The following CNBD1 variants were observed in gnomAD, a reference collection of about 807,000 sequenced individuals.
CNBD1 encodes the protein cyclic nucleotide binding domain containing 1, also known as cyclic nucleotide-binding domain-containing protein 1.
CNBD1 carries 71 observed loss-of-function variants against 54.4 expected under a neutral mutation model. The observed-to-expected ratio is 1.30, with a 90% CI of 1.08 to 1.59. The LOEUF (loss-of-function observed/expected upper bound fraction) is 1.59. CNBD1 is among the 40% of genes most tolerant of loss of function. The pLI is 0.00. For missense variants in CNBD1, 659 were observed against 518.0 expected (o/e 1.27, Z -2.64); for synonymous variants, 182 against 170.7 (o/e 1.07, Z -0.51).
intron 3 of CNBD1, among the ~76,000 whole-genome samples, chr8:86,924,593 A>G (rs1172403546): frequency 1.3e-5 from 2 of 152,180 alleles, no homozygotes; most frequent in Non-Finnish European, 2.9e-5. Context: ...CAGTGAAGAC[A>G]ATGAATATTT....
chr8:87,323,601 T>C lies in CNBD1; in HGVS notation c.1043-28084T>C, dbSNP rs1442840342. ...AGTTCACTCATGATTTGGCTCTCTGTTTGTCTGTTGCTGGTGTATAAGAAT... is the reference window on the plus strand; with the variant it reads ...AGTTCACTCATGATTTGGCTCTCTGCTTGTCTGTTGCTGGTGTATAAGAAT... On this transcript the variant is annotated intron_variant, in intron 8 of 10. Transcript: ENST00000518476. Among the ~76,000 whole-genome samples, 4 of 127,556 alleles carry C rather than the reference T, an allele frequency of 3.1e-5. 1 individual carries two copies. The highest frequency in any genetic ancestry group is 3.1e-4 in the Admixed American group (4 of 12,990). The allele number at this position is 127,556 out of a possible 152,430, so 83.7% of individuals were successfully genotyped here. A position where few individuals can be genotyped will look rare whatever the true frequency, so the allele number is the denominator to read the frequency against.
intron 2 of CNBD1, among the ~76,000 whole-genome samples, chr8:87,403,976 T>C (rs1188520664): frequency 6.6e-6 from 1 of 152,082 alleles, no homozygotes; most frequent in Non-Finnish European, 1.5e-5. Flanking sequence ...TGGTAAGATG[T>C]TTCTTTTAGT....
chr8:87,059,567 C>A (rs1810499388), intron 4 of CNBD1, among the ~76,000 whole-genome samples: 1 of 152,200 alleles, frequency 6.6e-6, no homozygotes, highest in South Asian at 2.1e-4. Context: ...ACACATCCTT[C>A]TTCACATGGT....
chr8:86,957,451 G>T (rs200963305), intron 4 of CNBD1, among the ~76,000 whole-genome samples: 1 of 152,054 alleles, frequency 6.6e-6, no homozygotes, highest in Non-Finnish European at 1.5e-5. Flanking sequence ...TGTGAATCCA[G>T]CTGGTCCTGG....
chr8:86,987,086 G>A (rs1808625863), intron 4 of CNBD1, among the ~76,000 whole-genome samples: 1 of 152,098 alleles, frequency 6.6e-6, no homozygotes, highest in Non-Finnish European at 1.5e-5. Context: ...CATTGAATCT[G>A]TAAATTATTT....
intron 2 of CNBD1, among the ~76,000 whole-genome samples, chr8:87,423,384 C>A (rs1807980753): frequency 1.3e-5 from 2 of 150,652 alleles, no homozygotes; most frequent in Non-Finnish European, 2.9e-5. Context: ...CCAGTTTTTG[C>A]CCATTCAGTA....
intron 2 of CNBD1, among the ~76,000 whole-genome samples, chr8:86,889,581 TA>T (rs1808734700): frequency 6.6e-6 from 1 of 152,132 alleles, no homozygotes; most frequent in African/African-American, 2.4e-5. Flanking sequence ...GTTTTGATTC[TA>T]AAAAGTTTCT....
chr8:87,249,375 T>C (rs1807867879), intron 6 of CNBD1, among the ~76,000 whole-genome samples: 2 of 152,120 alleles, frequency 1.3e-5, no homozygotes, highest in Non-Finnish European at 2.9e-5. Context: ...TTGTGCTGTG[T>C]GGCCTGATTC....
At chr8:87,425,217 T>G (rs1416755742) in intron 2 of CNBD1, among the ~76,000 whole-genome samples, 2 of 152,144 alleles carry the variant, frequency 1.3e-5, no homozygotes, top group South Asian at 2.1e-4. Context: ...TAGTTATACA[T>G]TCTTCTAAAT....
At chr8:87,409,562 A>G (rs978386947) in intron 2 of CNBD1, among the ~76,000 whole-genome samples, 1 of 152,164 alleles carries the variant, frequency 6.6e-6, no homozygotes, top group African/African-American at 2.4e-5. Flanking sequence ...TTGGAAGCAT[A>G]TGCCATCTTC....
At chr8:87,362,420 G>A (rs1005430514) in intron 10 of CNBD1, among the ~76,000 whole-genome samples, 1 of 152,100 alleles carries the variant, frequency 6.6e-6, no homozygotes, top group Non-Finnish European at 1.5e-5. Context: ...TCATCCAACA[G>A]ACAGTCCAAG....
intron 5 of CNBD1, among the ~76,000 whole-genome samples, chr8:87,207,635 T>C (rs1281136288): frequency 6.6e-6 from 1 of 152,168 alleles, no homozygotes; most frequent in Non-Finnish European, 1.5e-5. Context: ...GTTGGTTTTA[T>C]TCTCTCACAA....
At chr8:86,878,822 T>C (rs1320984024) in intron 1 of CNBD1, among the ~76,000 whole-genome samples, 1 of 152,192 alleles carries the variant, frequency 6.6e-6, no homozygotes, top group Non-Finnish European at 1.5e-5. Context: ...GATGTTTCAC[T>C]ATTTGGTTGA....
chr8:86,873,688 G>A (rs1316553940), intron 1 of CNBD1, among the ~76,000 whole-genome samples: 1 of 151,854 alleles, frequency 6.6e-6, no homozygotes, highest in Admixed American at 6.6e-5. Context: ...AAGTGTTCTT[G>A]CATGCCACTA....
intron 8 of CNBD1, among the ~76,000 whole-genome samples, chr8:87,347,824 G>A (rs1810204934): frequency 6.6e-6 from 1 of 151,988 alleles, no homozygotes; most frequent in East Asian, 1.9e-4. Flanking sequence ...ATAGTAAGAG[G>A]GGATCTCTAA....
chr8:87,180,488 A>G (rs1015945988), intron 4 of CNBD1, among the ~76,000 whole-genome samples: 24 of 152,318 alleles, frequency 1.6e-4, no homozygotes, highest in African/African-American at 5.5e-4. Flanking sequence ...ACAATATATC[A>G]TGGCATTTCA....
At chr8:86,942,745 C>T (rs560386479) in intron 4 of CNBD1, among the ~76,000 whole-genome samples, 2 of 152,306 alleles carry the variant, frequency 1.3e-5, no homozygotes, top group South Asian at 4.1e-4. Flanking sequence ...TGCCCCCACT[C>T]CCAACATTTA....
chr8:87,252,128 A>G (rs1203797168), intron 6 of CNBD1, among the ~76,000 whole-genome samples: 1 of 152,186 alleles, frequency 6.6e-6, no homozygotes. Flanking sequence ...CCATTCTGTT[A>G]TAATCAGAAT....
At chr8:86,960,206 C>A (rs1807891846) in intron 4 of CNBD1, among the ~76,000 whole-genome samples, 1 of 152,150 alleles carries the variant, frequency 6.6e-6, no homozygotes, top group Non-Finnish European at 1.5e-5. Flanking sequence ...CCAGGAAGCA[C>A]AAGGGGTCAG....
Sources: allele counts gnomAD v4.1 joint callset (sites outside exome capture counted in the v4.1 genomes callset), GRCh38; gene constraint gnomAD v4.1.1; transcripts MANE v1.5; gene names NCBI Gene and HGNC (gene_info 2026-07-23, HGNC 2026-07-21).